NRCAM: variants seen among roughly 807,000 people sequenced by gnomAD.
The protein encoded by NRCAM is NgCAM-related cell adhesion molecule.
Under a neutral mutation model 156.5 loss-of-function variants are expected in NRCAM, and 83 were observed. The ratio of observed to expected loss-of-function variants is 0.53; its 90% confidence interval spans 0.44 to 0.64. NRCAM has a LOEUF of 0.64. Among genes scored for constraint, NRCAM ranks in the 30% least tolerant of loss-of-function variants. The probability of loss-of-function intolerance (pLI) is 0.00; values close to 1 mark genes in which losing one functional copy is unlikely to be tolerated. For synonymous variants in NRCAM, 538 were observed against 563.9 expected (o/e 0.95, Z 0.65); for missense variants, 1,417 against 1,597.3 (o/e 0.89, Z 1.92).
chr7:108,433,950 T>C (rs1829002877), intron 1 of NRCAM, among the ~76,000 whole-genome samples: 1 of 152,152 alleles, frequency 6.6e-6, no homozygotes, highest in Admixed American at 6.5e-5. Context: ...ACACACACAG[T>C]GTTATGAAGG....
At chr7:108,388,811 T>C (rs1174232244) in intron 2 of NRCAM, among the ~76,000 whole-genome samples, 3 of 152,216 alleles carry the variant, frequency 2.0e-5, no homozygotes, top group African/African-American at 4.8e-5. Flanking sequence ...ATTTATTAAA[T>C]AGGGAATCCT....
At chr7:108,362,082 C>T (rs189988978) in intron 2 of NRCAM, among the ~76,000 whole-genome samples, 22 of 152,236 alleles carry the variant, frequency 1.4e-4, no homozygotes, top group Admixed American at 1.3e-3. Flanking sequence ...TGTCTTAGTC[C>T]GTCCAATCTG....
Position 108,201,187 on chromosome 7 carries a change from A to G in NRCAM, c.1208-3088T>C, listed in dbSNP as rs79697778. Among the ~76,000 whole-genome samples the G allele has an allele frequency of 8.0e-4, 122 of 151,972 alleles. 4 individuals are homozygous for G. In the East Asian group the frequency reaches 0.022, roughly 27 times the overall value. On this transcript the variant is annotated intron_variant, in intron 13 of 32. Coordinates refer to ENST00000379028, the MANE Select transcript of NRCAM (RefSeq NM_001037132.4). ...ATTTTTAAGGTCGGTAAAAAAAAAA[A>G]AAAAAGAAAAAGATTCTTAGCACTT...
intron 25 of NRCAM, among the ~76,000 whole-genome samples, chr7:108,179,309 A>T (rs2062253225): frequency 6.6e-6 from 1 of 152,114 alleles, no homozygotes; most frequent in African/African-American, 2.4e-5. Flanking sequence ...GACGACAAAA[A>T]CTTACAATGA....
chr7:108,321,360 C>T (rs1380102235), intron 2 of NRCAM, among the ~76,000 whole-genome samples: 6 of 152,174 alleles, frequency 3.9e-5, no homozygotes, highest in Non-Finnish European at 8.8e-5. Flanking sequence ...AGCTTACAAT[C>T]ATGGCACAAG....
intron 11 of NRCAM, among the ~76,000 whole-genome samples, chr7:108,221,487 G>GTA (rs546080509): frequency 0.015 from 2,262 of 152,086 alleles, 40 homozygotes; most frequent in African/African-American, 0.044. Flanking sequence ...AGAAACTGTG[G>GTA]TATATATATA....
chr7:108,411,434 C>G (rs2154414023), intron 1 of NRCAM, among the ~76,000 whole-genome samples: 1 of 152,226 alleles, frequency 6.6e-6, no homozygotes, highest in Non-Finnish European at 1.5e-5. Flanking sequence ...TTCTCTATAA[C>G]TGGGTTGATG....
At chr7:108,206,843 T>C in intron 13 of NRCAM, among the ~76,000 whole-genome samples, 1 of 152,114 alleles carries the variant, frequency 6.6e-6, no homozygotes, top group East Asian at 1.9e-4. Context: ...TATTGGCTAA[T>C]GAAGTGGAAG....
At chr7:108,316,119 G>C (rs1412925412) in intron 2 of NRCAM, among the ~76,000 whole-genome samples, 1 of 152,194 alleles carries the variant, frequency 6.6e-6, no homozygotes, top group Non-Finnish European at 1.5e-5. Flanking sequence ...TTTAAGAGGT[G>C]ATTAGGTCAT....
rs79015317 is a variant in NRCAM, at chr7:108,318,725, G to T, written c.-173-5994C>A. Reference sequence around the variant, plus strand: ...ACCCCTGGTTCTGAATAGAGAAAAGGAGGTTTCATTCACGGGTGAGCAGAC... The same window carrying T: ...ACCCCTGGTTCTGAATAGAGAAAAGTAGGTTTCATTCACGGGTGAGCAGAC... On this transcript the variant is annotated intron_variant, in intron 2 of 32. Transcript: ENST00000379028. Among the ~76,000 whole-genome samples the T allele has an allele frequency of 9.2e-3, 1,393 of 152,202 alleles. 31 individuals carry two copies. Among genetic ancestry groups the T allele is most frequent in the African/African-American group, 0.032 (1,319 of 41,524 alleles).
chr7:108,335,661 G>GA, intron 2 of NRCAM, among the ~76,000 whole-genome samples: 1 of 152,012 alleles, frequency 6.6e-6, no homozygotes, highest in African/African-American at 2.4e-5. Flanking sequence ...GTACTGAAGT[G>GA]AAAAAATGCT....
intron 30 of NRCAM, among the ~76,000 whole-genome samples, chr7:108,163,210 T>C (rs2050436023): frequency 6.6e-6 from 1 of 152,142 alleles, no homozygotes; most frequent in African/African-American, 2.4e-5. Context: ...CACAAAATGA[T>C]AAATTAAACA....
At chr7:108,294,614 G>A (rs2098415972) in intron 3 of NRCAM, among the ~76,000 whole-genome samples, 1 of 152,190 alleles carries the variant, frequency 6.6e-6, no homozygotes, top group Admixed American at 6.5e-5. Context: ...ATATCCAAGG[G>A]CTTAGGTAAA....
chr7:108,188,265 G>A (rs1273920564), intron 20 of NRCAM, among the ~76,000 whole-genome samples: 3 of 152,144 alleles, frequency 2.0e-5, no homozygotes, highest in East Asian at 1.9e-4. Context: ...GCACCCCAAG[G>A]AGCATGGCCT....
intron 2 of NRCAM, among the ~76,000 whole-genome samples, chr7:108,343,068 C>T (rs1003142388): frequency 6.6e-6 from 1 of 152,154 alleles, no homozygotes. Flanking sequence ...TGACTGATCC[C>T]GACCTCAACT....
At chr7:108,332,653 T>C (rs2099138494) in intron 2 of NRCAM, among the ~76,000 whole-genome samples, 1 of 152,204 alleles carries the variant, frequency 6.6e-6, no homozygotes. Flanking sequence ...ACAAGAATAC[T>C]AAAACTAATC....
intron 3 of NRCAM, among the ~76,000 whole-genome samples, chr7:108,281,345 AC>A (rs1307284719): frequency 3.9e-5 from 6 of 152,198 alleles, no homozygotes; most frequent in African/African-American, 1.4e-4. Flanking sequence ...CAATAAAAAA[AC>A]GAATGATGAG....
intron 3 of NRCAM, among the ~76,000 whole-genome samples, chr7:108,240,452 T>C (rs1329406848): frequency 6.6e-6 from 1 of 152,206 alleles, no homozygotes. Context: ...TCAGAGGCTA[T>C]CGTGTCTTTC....
chr7:108,266,051 ATT>A (rs1437645526), intron 3 of NRCAM, among the ~76,000 whole-genome samples: 3 of 151,990 alleles, frequency 2.0e-5, no homozygotes, highest in African/African-American at 7.3e-5. Context: ...TTTTTCATAA[ATT>A]TTTTCTTTTT....
Sources: allele counts gnomAD v4.1 joint callset (sites outside exome capture counted in the v4.1 genomes callset), GRCh38; gene constraint gnomAD v4.1.1; transcripts MANE v1.5; gene names NCBI Gene and HGNC (gene_info 2026-07-23, HGNC 2026-07-21).